The following KIF13B variants were observed in gnomAD, a reference collection of about 807,000 sequenced individuals.
KIF13B encodes the protein kinesin family member 13B, also known as kinesin-like protein KIF13B.
A neutral mutation model predicts 222.0 loss-of-function variants in KIF13B; 127 were observed. That is an observed-to-expected ratio of 0.57 (90% CI 0.50 to 0.66). KIF13B has a LOEUF of 0.66. Ranked by LOEUF, KIF13B falls within the 30% of genes least tolerant of loss-of-function variation. KIF13B has a pLI of 0.00. For synonymous variants in KIF13B, 976 were observed against 919.0 expected, an observed-to-expected ratio of 1.06 and a Z score of -1.12; for missense variants, 2,173 against 2,379.0, an observed-to-expected ratio of 0.91 and a Z score of 1.80.
intron 13 of KIF13B, 44 bp from the exon 14 acceptor site, chr8:29,155,900 T>A: frequency 2.1e-6 from 3 of 1,436,550 alleles, no homozygotes; most frequent in Non-Finnish European, 2.9e-6. Flanking sequence ...TATTCTTACA[T>A]ATACACAATT....
At chr8:29,200,477 G>A (rs905509593) in intron 2 of KIF13B, among the ~76,000 whole-genome samples, 79 of 152,068 alleles carry the variant, frequency 5.2e-4, no homozygotes, top group Non-Finnish European at 9.4e-4. Context: ...ACTTTATTTT[G>A]AAATACTTTC....
At chr8:29,165,873 G>T in intron 11 of KIF13B, 101 bp from the exon 12 acceptor site, 1 of 375,544 alleles carries the variant, frequency 2.7e-6, no homozygotes, top group South Asian at 4.2e-5. Context: ...CCTCCTCATG[G>T]CTGAATGTCA....
At chr8:29,259,857 C>T (rs1306181070) in intron 1 of KIF13B, among the ~76,000 whole-genome samples, 2 of 152,126 alleles carry the variant, frequency 1.3e-5, no homozygotes, top group East Asian at 1.9e-4. Flanking sequence ...CAAAAATTTA[C>T]CCTTTTCTCT....
Position 29,071,606 on chromosome 8 carries a change from T to G in KIF13B, c.5218+14A>C. The G allele has an allele frequency of 6.5e-7, 1 of 1,545,442 alleles. No individual in the cohort carries two copies. Among genetic ancestry groups the G allele is most frequent in the Non-Finnish European group, 8.7e-7 (1 of 1,145,870 alleles). Reference sequence around the variant, plus strand: ...CCCGGCACCACCCTGGAGCCCGGAGTGCCCGGTACCCACCTGAGGGCAGGT... The same window carrying G: ...CCCGGCACCACCCTGGAGCCCGGAGGGCCCGGTACCCACCTGAGGGCAGGT... On this transcript the variant is annotated intron_variant, in intron 39 of 39. Coordinates refer to ENST00000524189, the MANE Select transcript of KIF13B (RefSeq NM_015254.4). This position sits in a 1 kb window ranked among gnomAD's most constrained non-coding sequence, Gnocchi z 4.9.
intron 19 of KIF13B, 140 bp from the exon 20 acceptor site, chr8:29,140,757 T>C (rs1218588491): frequency 1.3e-6 from 1 of 793,656 alleles, no homozygotes; most frequent in African/African-American, 1.7e-5. Flanking sequence ...AGTAAAACAT[T>C]CTAAAGTTTT....
At chr8:29,151,847 G>A (rs1811312367) in intron 14 of KIF13B, among the ~76,000 whole-genome samples, 1 of 129,948 alleles carries the variant, frequency 7.7e-6, no homozygotes, top group Non-Finnish European at 1.9e-5. Flanking sequence ...TCACTTTCAA[G>A]TCTTATCATT....
At chr8:29,147,794 C>A (rs1480087407) in intron 16 of KIF13B, among the ~76,000 whole-genome samples, 192 bp from the exon 17 acceptor site, 3 of 152,192 alleles carry the variant, frequency 2.0e-5, no homozygotes, top group African/African-American at 7.2e-5. Context: ...ATATCCTCAA[C>A]CATCTTCCCT....
chr8:29,072,386 G>C, intron 38 of KIF13B, 70 bp from the exon 39 acceptor site: 1 of 1,134,812 alleles, frequency 8.8e-7, no homozygotes, highest in South Asian at 2.6e-5. Context: ...AGGCAGCTTT[G>C]ACTTGGAAAA....
chr8:29,221,135 C>T (rs1264676486), intron 2 of KIF13B, among the ~76,000 whole-genome samples: 80 of 135,954 alleles, frequency 5.9e-4, no homozygotes, highest in African/African-American at 1.9e-3. Context: ...TGGAGTCTCA[C>T]TCTGTCACCC....
At chr8:29,263,261 G>C, upstream of KIF13B, 1 of 536,730 alleles carries the variant, frequency 1.9e-6, no homozygotes, top group Non-Finnish European at 3.2e-6. Flanking sequence ...GAATGCTCGG[G>C]CGCGAGTCGT....
chr8:29,188,195 T>G (rs577457103), intron 5 of KIF13B, among the ~76,000 whole-genome samples: 10 of 152,224 alleles, frequency 6.6e-5, no homozygotes, highest in Non-Finnish European at 1.0e-4. Context: ...GTATTTTATC[T>G]GTTATGGTTC....
At chr8:29,206,713 C>A (rs11136059) in intron 2 of KIF13B, among the ~76,000 whole-genome samples, 1 of 151,930 alleles carries the variant, frequency 6.6e-6, no homozygotes, top group Non-Finnish European at 1.5e-5. Context: ...CCTGGAAAAA[C>A]GGGACAAAAA....
At chr8:29,125,532 CTG>C (rs1810070350) in intron 26 of KIF13B, among the ~76,000 whole-genome samples, 1 of 152,146 alleles carries the variant, frequency 6.6e-6, no homozygotes, top group African/African-American at 2.4e-5. Context: ...CCATAGGACT[CTG>C]TATTTAATCC....
chr8:29,221,191 C>A (rs1349716285), intron 2 of KIF13B, among the ~76,000 whole-genome samples: 1 of 149,910 alleles, frequency 6.7e-6, no homozygotes, highest in Non-Finnish European at 1.5e-5. Flanking sequence ...CAACCTCCAC[C>A]CCCCAGGTTC....
intron 2 of KIF13B, among the ~76,000 whole-genome samples, chr8:29,228,774 T>C (rs1815154415): frequency 6.6e-6 from 1 of 151,962 alleles, no homozygotes; most frequent in African/African-American, 2.4e-5. Flanking sequence ...CAGTCAAAGT[T>C]TCATTGTAAC....
In KIF13B at chr8:29,203,829, G is replaced by A. The variant is rs1813807633; in HGVS notation, c.150-7630C>T. 2.0e-5 allele frequency among the ~76,000 whole-genome samples: 3 copies of A among 147,224 alleles called. No homozygotes were observed. In the South Asian group the frequency reaches 6.5e-4, roughly 32 times the overall value. ...AAATTGCTTGAAGCCGGGAGGCGGA[G>A]GTTGTGGTGAGCCGAGATCACACCA... On this transcript the variant is annotated intron_variant, in intron 2 of 39. Transcript: ENST00000524189.
chr8:29,118,869 T>TC lies in KIF13B; in HGVS notation c.3658dup (p.Glu1220GlyfsTer43), dbSNP rs1453624783. On this transcript the variant is annotated frameshift_variant and splice_region_variant, in exon 30 of 40. Coordinates refer to ENST00000524189, the MANE Select transcript of KIF13B (RefSeq NM_015254.4). LOFTEE classifies it high-confidence loss of function. The stretch of plus-strand genomic sequence containing the variant: ...CATCCCAAGTTAGGCTTTCCTTACC[T>TC]CCCCATCATGCTGCTTCACAATCTG... The TC allele has an allele frequency of 1.9e-6, 3 of 1,613,690 alleles. No individual in the cohort carries two copies. Among genetic ancestry groups the TC allele is most frequent in the Admixed American group, 3.3e-5 (2 of 59,988 alleles).
At position 29,123,372 on chromosome 8, in the gene KIF13B, G is replaced by C; in HGVS notation, c.3473C>G (p.Ala1158Gly). 1 of 1,613,820 alleles carries C rather than the reference G, an allele frequency of 6.2e-7. No individual in the cohort carries two copies. Among genetic ancestry groups the C allele is most frequent in the Middle Eastern group, 1.7e-4 (1 of 6,058 alleles). ...SAGSGIPGAP[A>G]EWTPVPGMET... ...CGCACCACAGGGTTCATACCATTCT[G>C]CTGGGGCCCCTGGAATACCACTGCC... Residue 1158 changes from alanine (A) to glycine (G), a missense_variant, in exon 28 of 40, where the codon GCA becomes GGA. Physicochemically the swap from Ala to Gly is moderately conservative, Grantham distance 60. This residue lies in a region of KIF13B where 1,480 missense variants were observed against 1,722.8 expected (regional missense o/e 0.86). Transcript: ENST00000524189.
intron 10 of KIF13B, among the ~76,000 whole-genome samples, chr8:29,168,195 C>A (rs1269451738): frequency 6.6e-6 from 1 of 152,248 alleles, no homozygotes; most frequent in Non-Finnish European, 1.5e-5. Flanking sequence ...TCTACAGAAG[C>A]ACTTCCACCG....
Sources: allele counts gnomAD v4.1 joint callset (sites outside exome capture counted in the v4.1 genomes callset), GRCh38; gene constraint gnomAD v4.1.1; regional missense constraint gnomAD v4.1.1; non-coding constraint Gnocchi (gnomAD v3.1); transcripts MANE v1.5; gene names NCBI Gene and HGNC (gene_info 2026-07-23, HGNC 2026-07-21).